ADAMTSL1: variants seen among roughly 807,000 people sequenced by gnomAD.
ADAMTSL1 encodes the protein ADAMTS like 1.
In ADAMTSL1, 126 loss-of-function variants were observed where a neutral mutation model predicts 201.8. The observed-to-expected ratio is 0.62, with a 90% CI of 0.54 to 0.72. ADAMTSL1 has a LOEUF of 0.72. ADAMTSL1 is among the 30% of genes least tolerant of loss of function. The pLI, the probability that ADAMTSL1 is intolerant of heterozygous loss-of-function variation, is 0.00. For missense variants in ADAMTSL1, 2,679 were observed against 2,277.8 expected (o/e 1.18, Z -3.59); for synonymous variants, 1,121 against 903.4 (o/e 1.24, Z -4.32).
At chr9:18,037,159 A>G (rs1821234410) in intron 1 of ADAMTSL1, among the ~76,000 whole-genome samples, 1 of 152,212 alleles carries the variant, frequency 6.6e-6, no homozygotes, top group South Asian at 2.1e-4. Context: ...TGAAACTTCA[A>G]GCTTCAGGGA....
chr9:18,319,222 C>T (rs973573681), intron 2 of ADAMTSL1, among the ~76,000 whole-genome samples: 4 of 152,106 alleles, frequency 2.6e-5, no homozygotes, highest in African/African-American at 9.7e-5. Context: ...AAGAAAAAGC[C>T]AGCTGAAGAT....
chr9:18,436,724 T>C (rs576858875), intron 2 of ADAMTSL1, among the ~76,000 whole-genome samples: 1 of 152,312 alleles, frequency 6.6e-6, no homozygotes, highest in African/African-American at 2.4e-5. Flanking sequence ...CCCCTCCTCC[T>C]GGAAAATCCC....
chr9:18,456,716 T>C (rs768702779), intron 2 of ADAMTSL1, among the ~76,000 whole-genome samples: 6 of 152,226 alleles, frequency 3.9e-5, no homozygotes. Context: ...CAACTTGCTT[T>C]AATTTCCCTA....
chr9:18,223,090 T>C (rs1830323746), intron 2 of ADAMTSL1, among the ~76,000 whole-genome samples: 1 of 152,072 alleles, frequency 6.6e-6, no homozygotes, highest in Non-Finnish European at 1.5e-5. Context: ...AATTTAAGGC[T>C]TGGTGTATTC....
intron 1 of ADAMTSL1, among the ~76,000 whole-genome samples, chr9:18,133,975 G>A (rs1015406402): frequency 2.0e-5 from 3 of 152,156 alleles, no homozygotes; most frequent in East Asian, 3.9e-4. Context: ...ATGTTGGAAT[G>A]TATTGAGAGA....
chr9:17,940,035 G>T (rs935126266), intron 1 of ADAMTSL1, among the ~76,000 whole-genome samples: 1 of 151,978 alleles, frequency 6.6e-6, no homozygotes, highest in Non-Finnish European at 1.5e-5. Context: ...AGGGTGTATT[G>T]GGGGGAGGAT....
chr9:18,881,506 A>T (rs752346547), intron 23 of ADAMTSL1, among the ~76,000 whole-genome samples: 28 of 152,344 alleles, frequency 1.8e-4, no homozygotes, highest in Non-Finnish European at 3.4e-4. Flanking sequence ...AACATTTATC[A>T]ATTAAGTTCA....
chr9:18,085,564 T>C (rs547264257), intron 1 of ADAMTSL1, among the ~76,000 whole-genome samples: 1 of 150,322 alleles, frequency 6.7e-6, no homozygotes, highest in Non-Finnish European at 1.5e-5. Context: ...ACACTGTGTG[T>C]ATACATATAT....
intron 1 of ADAMTSL1, among the ~76,000 whole-genome samples, chr9:18,048,716 C>T (rs1215850140): frequency 2.0e-5 from 3 of 152,118 alleles, no homozygotes; most frequent in Admixed American, 1.3e-4. Flanking sequence ...TACCAGACAT[C>T]GTGAGTTGCT....
intron 23 of ADAMTSL1, among the ~76,000 whole-genome samples, chr9:18,870,352 C>G (rs896031383): frequency 3.9e-5 from 6 of 152,178 alleles, no homozygotes; most frequent in African/African-American, 1.4e-4. Context: ...TTATGTTCCT[C>G]TGAAGAACAT....
chr9:18,156,440 C>A (rs931518407), intron 1 of ADAMTSL1, among the ~76,000 whole-genome samples: 15 of 151,902 alleles, frequency 9.9e-5, no homozygotes, highest in African/African-American at 3.4e-4. Context: ...TGATGTTGAC[C>A]AATATAAACA....
chr9:18,387,556 A>C (rs1363207250), intron 2 of ADAMTSL1, among the ~76,000 whole-genome samples: 1 of 152,170 alleles, frequency 6.6e-6, no homozygotes, highest in African/African-American at 2.4e-5. Flanking sequence ...TATTTCACTT[A>C]GTATATAACA....
intron 1 of ADAMTSL1, among the ~76,000 whole-genome samples, chr9:18,062,799 T>C (rs1329233209): frequency 6.6e-6 from 1 of 152,184 alleles, no homozygotes; most frequent in African/African-American, 2.4e-5. Flanking sequence ...AAAATGATTT[T>C]TAAAATTTTT....
At chr9:18,167,320 G>T (rs1049078283) in intron 2 of ADAMTSL1, among the ~76,000 whole-genome samples, 11 of 151,836 alleles carry the variant, frequency 7.2e-5, no homozygotes, top group Non-Finnish European at 1.5e-4. Flanking sequence ...AGCCACTATT[G>T]TACCTTGGTA....
At chr9:18,722,878 G>T (rs1332680487) in intron 15 of ADAMTSL1, 2 of 680,180 alleles carry the variant, frequency 2.9e-6, no homozygotes, top group African/African-American at 3.5e-5. Flanking sequence ...ATGAAATCCT[G>T]AGTAACCTCG....
At chr9:18,339,933 A>G (rs1835399692) in intron 2 of ADAMTSL1, among the ~76,000 whole-genome samples, 1 of 152,094 alleles carries the variant, frequency 6.6e-6, no homozygotes, top group Admixed American at 6.6e-5. Flanking sequence ...TTCACCTCCT[A>G]TCAACCATTG....
At chr9:17,916,702 T>A (rs1826108765) in intron 1 of ADAMTSL1, among the ~76,000 whole-genome samples, 1 of 152,202 alleles carries the variant, frequency 6.6e-6, no homozygotes, top group Non-Finnish European at 1.5e-5. Flanking sequence ...ACACTTTGAG[T>A]GGTATAGCCT....
At chr9:18,442,844 C>A (rs950887157) in intron 2 of ADAMTSL1, among the ~76,000 whole-genome samples, 5 of 152,200 alleles carry the variant, frequency 3.3e-5, no homozygotes, top group Non-Finnish European at 7.3e-5. Flanking sequence ...GTCGGTGCTG[C>A]CCTCCAAGGG....
intron 2 of ADAMTSL1, among the ~76,000 whole-genome samples, chr9:18,316,510 G>A (rs1424482180): frequency 1.3e-5 from 2 of 152,098 alleles, no homozygotes; most frequent in Admixed American, 1.3e-4. Context: ...ATTCAGCGAT[G>A]TTTCTCCCAT....
Sources: allele counts gnomAD v4.1 joint callset (sites outside exome capture counted in the v4.1 genomes callset), GRCh38; gene constraint gnomAD v4.1.1; transcripts MANE v1.5; gene names NCBI Gene and HGNC (gene_info 2026-07-23, HGNC 2026-07-21).